Variants in DMXL1 observed in about 807,000 individuals in gnomAD.
DMXL1 encodes Dmx like 1.
A neutral mutation model predicts 319.2 loss-of-function variants in DMXL1; 99 were observed. The ratio of observed to expected loss-of-function variants is 0.31; its 90% confidence interval spans 0.26 to 0.37. DMXL1 has a LOEUF of 0.37. Ranked by LOEUF, DMXL1 falls within the 10% of genes least tolerant of loss-of-function variation. DMXL1 has a pLI of 1.00. For synonymous variants in DMXL1, 1,385 were observed against 1,235.2 expected, an observed-to-expected ratio of 1.12 and a Z score of -2.54; for missense variants, 3,745 against 3,595.6, an observed-to-expected ratio of 1.04 and a Z score of -1.06.
intron 29 of DMXL1, among the ~76,000 whole-genome samples, chr5:119,193,220 A>C (rs1779003351): frequency 6.6e-6 from 1 of 152,172 alleles, no homozygotes; most frequent in South Asian, 2.1e-4. Flanking sequence ...ATGGCCTACA[A>C]GACCCTGTCT....
chr5:119,183,750 C>T (rs1161629748), intron 28 of DMXL1, among the ~76,000 whole-genome samples: 1 of 152,094 alleles, frequency 6.6e-6, no homozygotes, highest in Non-Finnish European at 1.5e-5. Flanking sequence ...TGAGCCACCA[C>T]GCCTGGCCAG....
At chr5:119,076,400 TG>T (rs1487632148) in intron 1 of DMXL1, among the ~76,000 whole-genome samples, 1 of 152,040 alleles carries the variant, frequency 6.6e-6, no homozygotes, top group African/African-American at 2.4e-5. Flanking sequence ...GGAAGGTGTT[TG>T]TTTTTTTTTT....
At chr5:119,213,227 G>T (rs1014588079) in intron 34 of DMXL1, among the ~76,000 whole-genome samples, 2 of 151,860 alleles carry the variant, frequency 1.3e-5, no homozygotes, top group Non-Finnish European at 2.9e-5. Context: ...AATATATTTT[G>T]CTGTCAAAAT....
chr5:119,136,578 G>A (rs762250225), intron 13 of DMXL1, among the ~76,000 whole-genome samples: 4 of 152,244 alleles, frequency 2.6e-5, no homozygotes, highest in Non-Finnish European at 5.9e-5. Flanking sequence ...GCCTAAGCGG[G>A]AAAATGGTTT....
intron 23 of DMXL1, among the ~76,000 whole-genome samples, chr5:119,168,305 T>C (rs1027453939): frequency 6.6e-6 from 1 of 152,240 alleles, no homozygotes; most frequent in Admixed American, 6.5e-5. Context: ...TATGAACTGG[T>C]AGAGCTTATG....
rs1448457631 is a variant in DMXL1, at chr5:119,121,097, C to T, written c.1060C>T (p.Leu354Phe). 1.9e-6 allele frequency: 3 copies of T among 1,609,420 alleles called. No homozygotes were observed. The highest frequency in any genetic ancestry group is 4.5e-5 in the East Asian group (2 of 44,750). The change falls in exon 9 of 44, where the codon CTT (leucine) becomes TTT (phenylalanine). Residue 354 changes from leucine (L) to phenylalanine (F), a missense_variant. This residue lies in a region of DMXL1 where 2,096 missense variants were observed against 1,985.4 expected (regional missense o/e 1.06). Transcript: ENST00000539542. ...HRNTPLHANA[L>F]CHFHIAASIN... Reference sequence around the variant, plus strand: ...GAACACTCCACTGCATGCCAATGCACTTTGCCACTTTCATATTGCAGCCAG... The same window carrying T: ...GAACACTCCACTGCATGCCAATGCATTTTGCCACTTTCATATTGCAGCCAG...
intron 9 of DMXL1, among the ~76,000 whole-genome samples, chr5:119,121,449 C>G (rs1198692169): frequency 1.3e-5 from 2 of 151,740 alleles, no homozygotes; most frequent in Non-Finnish European, 2.9e-5. Context: ...TGTTTGTGTC[C>G]CTGGGTACTT....
chr5:119,131,611 C>T (rs1764919565), intron 10 of DMXL1, among the ~76,000 whole-genome samples: 1 of 152,152 alleles, frequency 6.6e-6, no homozygotes, highest in African/African-American at 2.4e-5. Context: ...ATGAGCAAAA[C>T]TGAGGTCCAG....
intron 33 of DMXL1, among the ~76,000 whole-genome samples, chr5:119,206,326 G>C (rs542482185): frequency 1.3e-5 from 2 of 151,980 alleles, no homozygotes; most frequent in Non-Finnish European, 2.9e-5. Context: ...TTTAAGAAGT[G>C]TATGTGCTTC....
chr5:119,073,634 CCTA>C (rs1489155244), intron 1 of DMXL1, among the ~76,000 whole-genome samples: 1 of 152,086 alleles, frequency 6.6e-6, no homozygotes, highest in Non-Finnish European at 1.5e-5. Flanking sequence ...TCCCACCAAG[CCTA>C]CTGCAGATTT....
intron 42 of DMXL1, among the ~76,000 whole-genome samples, 170 bp downstream of exon 42, chr5:119,240,641 C>G (rs775615913): frequency 3.3e-5 from 5 of 152,144 alleles, no homozygotes; most frequent in Non-Finnish European, 1.5e-5. Flanking sequence ...ACGTAATTAA[C>G]TCTTCACTAT....
At position 119,071,428 on chromosome 5, in the gene DMXL1, C is replaced by T. The variant is rs1347964495; in HGVS notation, c.-142C>T. 2.8e-5 allele frequency: 23 copies of T among 822,008 alleles called. No homozygotes were observed. Among genetic ancestry groups the T allele is most frequent in the South Asian group, 3.1e-5 (2 of 64,574 alleles). The allele number at this position is 822,008 out of a possible 1,614,324, so 50.9% of individuals were successfully genotyped here. A position where few individuals can be genotyped will look rare whatever the true frequency, so the allele number is the denominator to read the frequency against. ...TGAGTCGCGGGCCCCAGCTGAGCGG[C>T]TCCGGCTCCAGGCGCCTGTCGCTGC... On this transcript the variant is annotated 5_prime_UTR_variant, in exon 1 of 44. Coordinates refer to ENST00000539542, the MANE Select transcript of DMXL1 (RefSeq NM_001290321.3).
In DMXL1 at chr5:119,147,180, A is replaced by T. The variant is rs539056803; in HGVS notation, c.2690-69A>T. On this transcript the variant is annotated intron_variant, in intron 16 of 43. Coordinates refer to ENST00000539542, the MANE Select transcript of DMXL1 (RefSeq NM_001290321.3). The stretch of plus-strand genomic sequence containing the variant: ...TTTACAAGGCAGTTTTGGATTGTAA[A>T]ATGTAACAATCGTAATATTTATAGG... 14 of 1,362,344 alleles carry T rather than the reference A, an allele frequency of 1.0e-5. No homozygotes were observed. The Middle Eastern group carries it at 7.7e-4, about 75-fold the overall frequency. The allele number at this position is 1,362,344 out of a possible 1,614,324, so 84.4% of individuals were successfully genotyped here. A position where few individuals can be genotyped will look rare whatever the true frequency, so the allele number is the denominator to read the frequency against.
At chr5:119,121,773 G>C (rs945836816) in intron 9 of DMXL1, among the ~76,000 whole-genome samples, 1 of 152,188 alleles carries the variant, frequency 6.6e-6, no homozygotes, top group African/African-American at 2.4e-5. Context: ...TGTCATCCTG[G>C]CCCGTTCTCA....
chr5:119,230,736 G>T (rs1302974312), intron 38 of DMXL1, among the ~76,000 whole-genome samples: 1 of 152,134 alleles, frequency 6.6e-6, no homozygotes, highest in African/African-American at 2.4e-5. Context: ...CAAAAAATTA[G>T]CTGGGCGTGG....
intron 7 of DMXL1, among the ~76,000 whole-genome samples, chr5:119,117,867 T>G (rs1227404888): frequency 6.6e-6 from 1 of 152,266 alleles, no homozygotes; most frequent in Non-Finnish European, 1.5e-5. Flanking sequence ...TACTAGACAA[T>G]ATTTTGATTT....
At chr5:119,075,735 AC>A (rs1429881919) in intron 1 of DMXL1, among the ~76,000 whole-genome samples, 1 of 151,002 alleles carries the variant, frequency 6.6e-6, no homozygotes. Flanking sequence ...TAAAAAAAAA[AC>A]AAAAAAAAAT....
intron 37 of DMXL1, among the ~76,000 whole-genome samples, chr5:119,222,496 A>G (rs1784815324): frequency 6.6e-6 from 1 of 152,216 alleles, no homozygotes; most frequent in South Asian, 2.1e-4. Flanking sequence ...GGAGAACTCA[A>G]AGGGAATATA....
intron 1 of DMXL1, among the ~76,000 whole-genome samples, chr5:119,095,677 A>AT (rs1293369850): frequency 1.3e-5 from 2 of 152,228 alleles, no homozygotes; most frequent in East Asian, 3.8e-4. Flanking sequence ...GACAATCAGT[A>AT]TTCTCAAAAT....
Sources: allele counts gnomAD v4.1 joint callset (sites outside exome capture counted in the v4.1 genomes callset), GRCh38; gene constraint gnomAD v4.1.1; regional missense constraint gnomAD v4.1.1; transcripts MANE v1.5; gene names NCBI Gene and HGNC (gene_info 2026-07-23, HGNC 2026-07-21).